Variants in FAM240C observed in about 807,000 individuals in gnomAD.
The protein encoded by FAM240C is protein FAM240C.
FAM240C carries 14 observed loss-of-function variants against 10.0 expected under a neutral mutation model. The observed-to-expected ratio is 1.40, with a 90% CI of 0.92 to 2.19. The LOEUF (loss-of-function observed/expected upper bound fraction) is 2.19, where lower values mean the gene tolerates loss of function less well. Among genes scored for constraint, FAM240C ranks in the 30% most tolerant of loss-of-function variants. FAM240C has a pLI of 0.00. For missense variants in FAM240C, 154 were observed against 122.3 expected (o/e 1.26, Z -1.22); for synonymous variants, 49 against 44.3 (o/e 1.11, Z -0.42).
In FAM240C at chr2:241,894,063, G is replaced by A. The variant is rs902751066; in HGVS notation, c.*150C>T. ...GGGACTCTGCTGCAGCGTGGACCCC[G>A]AGGTGGGATTATTACGGGGTCAGCG... On this transcript the variant is annotated 3_prime_UTR_variant, in exon 3 of 3. Transcript: ENST00000404031. The A allele has an allele frequency of 1.2e-5, 10 of 862,488 alleles. No individual in the cohort carries two copies. Among genetic ancestry groups the A allele is most frequent in the Admixed American group, 5.7e-5 (2 of 35,170 alleles). 53.4% of individuals were successfully genotyped at this position (862,488 alleles called of 1,614,324 possible).
rs754703849 is a variant in FAM240C, at chr2:241,894,214, C to T, written c.287G>A (p.Ter96=). The part of the protein sequence containing the change: ...SLHTKDKKAA[*] ...GCAGAGTCTGGAGCTCGTGGGCCCT[C>T]AGGCCGCCTTCTTGTCCTTGGTGTG... The change falls in exon 3 of 3, where the codon TGA becomes TAA. Residue 96 remains the stop codon, a stop_retained_variant. Transcript: ENST00000404031. 2 of 1,548,924 alleles carry T rather than the reference C, an allele frequency of 1.3e-6. No individual in the cohort carries two copies. Among genetic ancestry groups the T allele is most frequent in the African/African-American group, 2.7e-5 (2 of 73,032 alleles).
rs889945771 is a variant in FAM240C, at chr2:241,894,053, C to T, written c.*160G>A. The T allele has an allele frequency of 1.2e-5, 9 of 749,456 alleles. No individual in the cohort carries two copies. The highest frequency in any genetic ancestry group is 1.1e-4 in the African/African-American group (6 of 56,912). The allele number at this position is 749,456 out of a possible 1,614,324, so 46.4% of individuals were successfully genotyped here. A position where few individuals can be genotyped will look rare whatever the true frequency, so the allele number is the denominator to read the frequency against. On this transcript the variant is annotated 3_prime_UTR_variant, in exon 3 of 3. Transcript: ENST00000404031. ...AGAGAACCCTGGGACTCTGCTGCAGCGTGGACCCCGAGGTGGGATTATTAC... is the reference window on the plus strand; with the variant it reads ...AGAGAACCCTGGGACTCTGCTGCAGTGTGGACCCCGAGGTGGGATTATTAC...
rs939458607 is a variant in FAM240C at position 241,900,181 on chromosome 2, C to G, written c.12+177G>C. 6.6e-6 allele frequency among the ~76,000 whole-genome samples: 1 copy of G among 152,196 alleles called. No individual in the cohort carries two copies. Among genetic ancestry groups the G allele is most frequent in the African/African-American group, 2.4e-5 (1 of 41,450 alleles). On this transcript the variant is annotated intron_variant, in intron 1 of 2. Transcript: ENST00000404031. The surrounding 1 kb of genome is among the most constrained non-coding windows in gnomAD (Gnocchi z 4.5). ...ACTCTCCCCCCACCAAAGGTGTTGA[C>G]AGCAGGAATCCCAGTGGGAAAACAA... is the stretch of plus-strand genomic sequence containing the variant.
rs986398709 is a variant in FAM240C, at chr2:241,894,025, G to T, written c.*188C>A. The T allele has an allele frequency of 3.3e-5, 17 of 521,696 alleles. No individual in the cohort carries two copies. Among genetic ancestry groups the T allele is most frequent in the Middle Eastern group, 4.9e-4 (1 of 2,022 alleles). 32.3% of individuals were successfully genotyped at this position (521,696 alleles called of 1,614,324 possible). On this transcript the variant is annotated 3_prime_UTR_variant, in exon 3 of 3. Coordinates refer to ENST00000404031, the MANE Select transcript of FAM240C (RefSeq NM_001382368.1). ...AGGTTTTATTGGGCACCAGAGATGC[G>T]CTAGAGAACCCTGGGACTCTGCTGC...
chr2:241,899,027 G>C, intron 1 of FAM240C: 1 of 905,500 alleles, frequency 1.1e-6, no homozygotes, highest in Non-Finnish European at 1.6e-6. Flanking sequence ...CTCTCTTGCT[G>C]GGGAAGAACA....
At chr2:241,901,938 C>G (rs1241590542), upstream of FAM240C, among the ~76,000 whole-genome samples, 1 of 152,230 alleles carries the variant, frequency 6.6e-6, no homozygotes, top group Non-Finnish European at 1.5e-5. This position sits in a 1 kb window ranked among gnomAD's most constrained non-coding sequence, Gnocchi z 4.9. Context: ...TCCTTCCAGG[C>G]CCCTTCCTTC....
intron 2 of FAM240C, among the ~76,000 whole-genome samples, chr2:241,896,657 A>T (rs199771504): frequency 0.013 from 39 of 2,944 alleles, 2 homozygotes; most frequent in African/African-American, 0.027. Flanking sequence ...GTGTGGGTGA[A>T]GGGGTGTGGG....
In FAM240C at chr2:241,894,338, G is replaced by C. The variant is rs1338377732; in HGVS notation, c.163C>G (p.Leu55Val). 6.5e-7 allele frequency: 1 copy of C among 1,541,784 alleles called. No homozygotes were observed. Among genetic ancestry groups the C allele is most frequent in the Admixed American group, 2.0e-5 (1 of 50,746 alleles). The change falls in exon 3 of 3, where the codon CTC becomes GTC. Residue 55 changes from leucine (L) to valine (V), a missense_variant and splice_region_variant. By Grantham distance (32) the Leu-to-Val change is conservative. Coordinates refer to ENST00000404031, the MANE Select transcript of FAM240C (RefSeq NM_001382368.1). ...AGCTGCTCAGCCCATCCCACGCGGA[G>C]CCTGGGGCAGGGCGATAATTTCGGC... ...IRVRRSALNK[L>V]RVGWAEQLEG...
upstream of FAM240C, chr2:241,902,397 TCCGCCGCCGCCTCC>T (rs1702006646): frequency 1.3e-5 from 1 of 77,876 alleles, no homozygotes; most frequent in Non-Finnish European, 2.7e-5. The surrounding 1 kb of genome is among the most constrained non-coding windows in gnomAD (Gnocchi z 7.1). Context: ...CCGCCTCCCC[TCCGCCGCCGCCTCC>T]CCTCCGCCGC....
Position 241,897,315 on chromosome 2 carries a change from G to A in FAM240C, c.32C>T (p.Thr11Ile), listed in dbSNP as rs1701874575. 1 of 1,549,730 alleles carries A rather than the reference G, an allele frequency of 6.5e-7. No homozygotes were observed. Among genetic ancestry groups the A allele is most frequent in the Non-Finnish European group, 8.7e-7 (1 of 1,146,454 alleles). ...TGCTACTCTTCCAGGATTCTTAAGA[G>A]TGAGGCTTTTACTCATGTTCTGGAA... is the stretch of plus-strand genomic sequence containing the variant. MVGKNMSKSLTLKNPGRVAYD... is the reference protein window; with the variant it reads MVGKNMSKSLILKNPGRVAYD... Residue 11 changes from threonine to isoleucine, a missense_variant, in exon 2 of 3, where the codon ACT becomes ATT. Coordinates refer to ENST00000404031, the MANE Select transcript of FAM240C (RefSeq NM_001382368.1).
At chr2:241,898,325 C>T (rs1244356433) in intron 1 of FAM240C, among the ~76,000 whole-genome samples, 1 of 152,130 alleles carries the variant, frequency 6.6e-6, no homozygotes, top group Non-Finnish European at 1.5e-5. Flanking sequence ...TCAAGGCTGG[C>T]AGATCACTTG....
intron 1 of FAM240C, chr2:241,899,095 G>C (rs769914569): frequency 3.8e-6 from 5 of 1,301,416 alleles, no homozygotes; most frequent in East Asian, 5.5e-5. Flanking sequence ...CCGCGGGCTC[G>C]TTTCCTGCAA....
At chr2:241,900,931 G>T (rs552910329), upstream of FAM240C, among the ~76,000 whole-genome samples, 14 of 152,188 alleles carry the variant, frequency 9.2e-5, no homozygotes, top group African/African-American at 3.4e-4. This position sits in a 1 kb window ranked among gnomAD's most constrained non-coding sequence, Gnocchi z 4.5. Flanking sequence ...GAGAGGTCTC[G>T]GGATCTGCCA....
At chr2:241,899,212 C>T in intron 1 of FAM240C, 1 of 1,303,908 alleles carries the variant, frequency 7.7e-7, no homozygotes, top group Non-Finnish European at 1.0e-6. Context: ...GATGTGACCC[C>T]TGGCTGGGGG....
chr2:241,897,464 C>G, intron 1 of FAM240C, 130 bp from the exon 2 acceptor site: 1 of 1,070,374 alleles, frequency 9.3e-7, no homozygotes, highest in East Asian at 2.6e-5. Flanking sequence ...CTTCCTGGTT[C>G]GTGGGGGATG....
Position 241,897,313 on chromosome 2 carries a change from G to C in FAM240C, c.34C>G (p.Leu12Val). ...TATGCTACTCTTCCAGGATTCTTAA[G>C]AGTGAGGCTTTTACTCATGTTCTGG... ...VGKNMSKSLT[L>V]KNPGRVAYDS... Residue 12 changes from leucine (L) to valine (V), a missense_variant, in exon 2 of 3, where the codon CTT becomes GTT. By Grantham distance (32) the Leu-to-Val change is conservative. Coordinates refer to ENST00000404031, the MANE Select transcript of FAM240C (RefSeq NM_001382368.1). 7 of 1,549,732 alleles carry C rather than the reference G, an allele frequency of 4.5e-6. No homozygotes were observed. Among genetic ancestry groups the C allele is most frequent in the Non-Finnish European group, 6.1e-6 (7 of 1,146,464 alleles).
rs74000596 is a variant in FAM240C, at chr2:241,895,057, C to T, written c.162-718G>A. Among the ~76,000 whole-genome samples, 1,248 of 152,300 alleles carry T rather than the reference C, an allele frequency of 8.2e-3. 15 individuals carry two copies. The highest frequency in any genetic ancestry group is 0.029 in the African/African-American group (1,197 of 41,558). On this transcript the variant is annotated intron_variant, in intron 2 of 2. Coordinates refer to ENST00000404031, the MANE Select transcript of FAM240C (RefSeq NM_001382368.1). The stretch of plus-strand genomic sequence containing the variant: ...GAAGTTGGAGAGTGGGGTGGGTGCC[C>T]GGCTCCAGCCAAGGGTGAGCTGTGT...
chr2:241,897,461 G>T (rs1701880096), intron 1 of FAM240C, 127 bp from the exon 2 acceptor site: 4 of 1,177,172 alleles, frequency 3.4e-6, no homozygotes, highest in African/African-American at 1.5e-5. Flanking sequence ...CGCCTTCCTG[G>T]TTCGTGGGGG....
rs188703495 is a variant in FAM240C at position 241,894,395 on chromosome 2, G to C, written c.162-56C>G. 3 of 1,504,976 alleles carry C rather than the reference G, an allele frequency of 2.0e-6. No individual in the cohort carries two copies. In the African/African-American group the frequency reaches 4.1e-5, roughly 21 times the overall value. 93.2% of individuals were successfully genotyped at this position (1,504,976 alleles called of 1,614,324 possible). A position where few individuals can be genotyped will look rare whatever the true frequency, so the allele number is the denominator to read the frequency against. Reference sequence around the variant, plus strand: ...AGTCAAGCTCTCGGAACTTAGTGACGGCCAAGCCCGTGTCTCTCAGCACCT... The same window carrying C: ...AGTCAAGCTCTCGGAACTTAGTGACCGCCAAGCCCGTGTCTCTCAGCACCT... On this transcript the variant is annotated intron_variant, in intron 2 of 2. Transcript: ENST00000404031.
Sources: gnomAD v4.1 joint callset for allele counts (sites outside exome capture counted in the v4.1 genomes callset) on GRCh38, gnomAD v4.1.1 for gene constraint, Gnocchi (gnomAD v3.1) non-coding constraint, MANE v1.5 for transcripts, NCBI Gene and HGNC (gene_info 2026-07-23, HGNC 2026-07-21) for gene names.